DIS3: variants seen among roughly 807,000 people sequenced by gnomAD.
DIS3 encodes the protein exosome complex exonuclease RRP44.
In DIS3, 103 loss-of-function variants were observed where a neutral mutation model predicts 113.0. That is an observed-to-expected ratio of 0.91 (90% CI 0.78 to 1.07). DIS3 has a LOEUF of 1.07. Ranked by LOEUF, DIS3 falls within the 50% of genes least tolerant of loss-of-function variation. DIS3 has a pLI of 0.00. For synonymous variants in DIS3, 402 were observed against 394.3 expected, an observed-to-expected ratio of 1.02 and a Z score of -0.23; for missense variants, 1,121 against 1,167.1, an observed-to-expected ratio of 0.96 and a Z score of 0.58.
Position 72,778,219 on chromosome 13 carries a change from TTC to T in DIS3, c.546_547del (p.Lys183SerfsTer12). ...AGCTGGTATTCCTTCTTCTATGGCT[TTC>T]TCTTTGTTTCTCCTGTCATTTGTTA... On this transcript the variant is annotated frameshift_variant, in exon 3 of 21. Transcript: ENST00000377767. LOFTEE classifies it high-confidence loss of function. 1 of 1,599,690 alleles carries T rather than the reference TTC, an allele frequency of 6.3e-7. No individual in the cohort carries two copies. The highest frequency in any genetic ancestry group is 8.6e-7 in the Non-Finnish European group (1 of 1,168,504).
intron 6 of DIS3, among the ~76,000 whole-genome samples, chr13:72,774,980 T>A (rs1314853544): frequency 6.6e-6 from 1 of 152,174 alleles, no homozygotes; most frequent in Non-Finnish European, 1.5e-5. Flanking sequence ...CATACTTGTA[T>A]TAACTCATAC....
At chr13:72,780,240 C>A (rs745641970) in intron 2 of DIS3, among the ~76,000 whole-genome samples, 2 of 143,714 alleles carry the variant, frequency 1.4e-5, no homozygotes, top group Non-Finnish European at 3.0e-5. Flanking sequence ...GCAGAAGAAT[C>A]GCTTGAACTT....
chr13:72,772,428 G>C (rs928306676), intron 9 of DIS3, among the ~76,000 whole-genome samples, 153 bp from the exon 10 acceptor site: 2 of 152,174 alleles, frequency 1.3e-5, no homozygotes, highest in African/African-American at 4.8e-5. Context: ...CACTGGAGCA[G>C]AGAGACACCA....
intron 5 of DIS3, 86 bp downstream of exon 5, chr13:72,775,839 C>T (rs2034001814): frequency 8.5e-7 from 1 of 1,173,748 alleles, no homozygotes. Flanking sequence ...TCATATGTTA[C>T]ACAAATAGTA....
rs553029437 is a variant in DIS3, at chr13:72,760,802, T to C, written c.2671-151A>G. On this transcript the variant is annotated intron_variant, in intron 19 of 20. Transcript: ENST00000377767. ...AACATAACAAAGGCCACAAACCTAG[T>C]AGTCTCATATAAATATGACCTACTT... The C allele has an allele frequency of 2.9e-4, 244 of 838,718 alleles. 2 individuals carry two copies. The highest frequency in any genetic ancestry group is 1.9e-3 in the Middle Eastern group (5 of 2,672). 52.0% of individuals were successfully genotyped at this position (838,718 alleles called of 1,614,324 possible). A position where few individuals can be genotyped will look rare whatever the true frequency, so the allele number is the denominator to read the frequency against.
At chr13:72,759,937 C>T (rs998306647) in intron 20 of DIS3, 59 bp from the exon 21 acceptor site, 16 of 1,342,392 alleles carry the variant, frequency 1.2e-5, no homozygotes, top group Admixed American at 9.3e-5. Context: ...ACATCTCAAC[C>T]TCATCCTCCC....
At position 72,768,479 on chromosome 13, in the gene DIS3, A is replaced by G. The variant is rs554512872; in HGVS notation, c.1883+306T>C. Among the ~76,000 whole-genome samples the G allele has an allele frequency of 4.6e-5, 7 of 152,262 alleles. No individual in the cohort carries two copies. The South Asian group carries it at 6.2e-4, about 14-fold the overall frequency. On this transcript the variant is annotated intron_variant, in intron 14 of 20. Transcript: ENST00000377767. Reference sequence around the variant, plus strand: ...AGCCTGGCCAACAAGGTGAAACTCCATATCTACTAAAAATACAAAAATTAG... The same window carrying G: ...AGCCTGGCCAACAAGGTGAAACTCCGTATCTACTAAAAATACAAAAATTAG...
In DIS3 at chr13:72,759,028, G is replaced by A. The variant is rs1016856224; in HGVS notation, c.*767C>T. On this transcript the variant is annotated 3_prime_UTR_variant, in exon 21 of 21. Transcript: ENST00000377767. Reference sequence around the variant, plus strand: ...ACAGTTCCCCTCGTGTATATACACTGATATAACTACAATTTAAAAGCCACT... The same window carrying A: ...ACAGTTCCCCTCGTGTATATACACTAATATAACTACAATTTAAAAGCCACT... The A allele has an allele frequency of 2.3e-5, 4 of 172,052 alleles. No homozygotes were observed. Among genetic ancestry groups the A allele is most frequent in the Non-Finnish European group, 4.9e-5 (4 of 82,316 alleles). The allele number at this position is 172,052 out of a possible 1,614,324, so 10.7% of individuals were successfully genotyped here. A position where few individuals can be genotyped will look rare whatever the true frequency, so the allele number is the denominator to read the frequency against.
At position 72,772,151 on chromosome 13, in the gene DIS3, A is replaced by G. The variant is rs2033900417; in HGVS notation, c.1503+8T>C. 1.1e-5 allele frequency: 17 copies of G among 1,600,568 alleles called. No individual in the cohort carries two copies. Among genetic ancestry groups the G allele is most frequent in the Middle Eastern group, 1.7e-4 (1 of 6,018 alleles). The stretch of plus-strand genomic sequence containing the variant: ...TATTTAGGTAAGAACACTATTACAT[A>G]TGAATACCTCCAAATTTCCATTTTC... On this transcript the variant is annotated splice_region_variant and intron_variant, in intron 10 of 20. Coordinates refer to ENST00000377767, the MANE Select transcript of DIS3 (RefSeq NM_014953.5).
At chr13:72,775,052 A>G (rs1593849315) in intron 6 of DIS3, among the ~76,000 whole-genome samples, 159 bp downstream of exon 6, 1 of 152,328 alleles carries the variant, frequency 6.6e-6, no homozygotes, top group Non-Finnish European at 1.5e-5. Context: ...AAAGAAAACT[A>G]CATAGAAGAG....
intron 14 of DIS3, among the ~76,000 whole-genome samples, chr13:72,767,221 A>T (rs2033770836): frequency 6.6e-6 from 1 of 152,170 alleles, no homozygotes; most frequent in African/African-American, 2.4e-5. Flanking sequence ...ATGTTTTCCC[A>T]GGAGGCAACC....
Position 72,771,107 on chromosome 13 carries a change from C to T in DIS3, c.1644G>A (p.Leu548=), listed in dbSNP as rs1432718803. 2 of 1,613,398 alleles carry T rather than the reference C, an allele frequency of 1.2e-6. No individual in the cohort carries two copies. The highest frequency in any genetic ancestry group is 1.7e-6 in the Non-Finnish European group (2 of 1,179,726). The change falls in exon 12 of 21, where the codon TTG becomes TTA. Residue 548 remains leucine (L), a synonymous_variant. Transcript: ENST00000377767. The part of the protein sequence containing the change: ...DMVPELLSSN[L]CSLKCDVDRL... ...TGTCCACGTCACATTTTAAGGAACA[C>T]AAGTTAGAGCTAAGCAACTCTGGAA...
chr13:72,772,950 T>C, intron 8 of DIS3, 111 bp from the exon 9 acceptor site: 2 of 1,229,510 alleles, frequency 1.6e-6, no homozygotes, highest in Non-Finnish European at 2.2e-6. Context: ...AATATTCCCA[T>C]AACGATTTCT....
chr13:72,775,160 T>C (rs753148252), intron 6 of DIS3, 51 bp downstream of exon 6: 3 of 1,497,910 alleles, frequency 2.0e-6, no homozygotes, highest in Admixed American at 2.3e-5. Context: ...AGCTGACATA[T>C]TAATAATACA....
At chr13:72,760,797 C>A in intron 19 of DIS3, 146 bp from the exon 20 acceptor site, 1 of 897,650 alleles carries the variant, frequency 1.1e-6, no homozygotes, top group Non-Finnish European at 1.6e-6. Flanking sequence ...AGGCCACAAA[C>A]CTAGTAGTCT....
intron 1 of DIS3, 107 bp downstream of exon 1, chr13:72,781,498 T>C: frequency 3.5e-6 from 5 of 1,429,988 alleles, no homozygotes; most frequent in Non-Finnish European, 3.7e-6. Flanking sequence ...TCCCTTTCGC[T>C]AGGTATGTGA....
In DIS3 at chr13:72,753,932, A is replaced by ATT; in HGVS notation, c.*5862_*5863insAA. ...GAAACTATATGAAATTTAAAACACT[A>ATT]AAAGGTAAGCCTGTTTTCTTAACAT... On this transcript the variant is annotated 3_prime_UTR_variant, in exon 21 of 21. Coordinates refer to ENST00000377767, the MANE Select transcript of DIS3 (RefSeq NM_014953.5). 3 of 1,118,864 alleles carry ATT rather than the reference A, an allele frequency of 2.7e-6. No homozygotes were observed. The South Asian group carries it at 5.2e-5, about 19-fold the overall frequency. The allele number at this position is 1,118,864 out of a possible 1,614,324, so 69.3% of individuals were successfully genotyped here.
chr13:72,768,730 C>T (rs2033812837), intron 14 of DIS3, 55 bp downstream of exon 14: 1 of 1,335,988 alleles, frequency 7.5e-7, no homozygotes, highest in Admixed American at 2.2e-5. Context: ...TGCCTATGAT[C>T]AAACAATGTA....
At position 72,755,286 on chromosome 13, in the gene DIS3, A is replaced by G. The variant is rs1311833865; in HGVS notation, c.*4509T>C. On this transcript the variant is annotated 3_prime_UTR_variant, in exon 21 of 21. Coordinates refer to ENST00000377767, the MANE Select transcript of DIS3 (RefSeq NM_014953.5). ...ATATATCGTTGTGCACAGGATCAAC[A>G]TGATGGTGACTGGGAAAAAATTACT... is the stretch of plus-strand genomic sequence containing the variant. The G allele has an allele frequency of 8.2e-6, 11 of 1,343,758 alleles. No homozygotes were observed. In the East Asian group the frequency reaches 2.3e-4, roughly 28 times the overall value. The allele number at this position is 1,343,758 out of a possible 1,614,324, so 83.2% of individuals were successfully genotyped here. A position where few individuals can be genotyped will look rare whatever the true frequency, so the allele number is the denominator to read the frequency against.
Sources: gnomAD v4.1 joint callset for allele counts (sites outside exome capture counted in the v4.1 genomes callset) on GRCh38, gnomAD v4.1.1 for gene constraint, MANE v1.5 for transcripts, NCBI Gene and HGNC (gene_info 2026-07-23, HGNC 2026-07-21) for gene names.